The following PIGW variants were observed in gnomAD, a reference collection of about 807,000 sequenced individuals.
PIGW encodes phosphatidylinositol glycan anchor biosynthesis class W, also known as glucosaminyl-phosphatidylinositol-acyltransferase PIGW.
A neutral mutation model predicts 34.0 loss-of-function variants in PIGW; 23 were observed. The ratio of observed to expected loss-of-function variants is 0.68; its 90% CI spans 0.49 to 0.96. The LOEUF is 0.96. PIGW is among the 40% of genes least tolerant of loss of function. PIGW has a pLI of 0.00. For synonymous variants in PIGW, 225 were observed against 225.2 expected (o/e 1.00, Z 0.01); for missense variants, 574 against 586.3 (o/e 0.98, Z 0.22).
rs1417328329 is a variant in PIGW at position 36,535,035 on chromosome 17, G to C, written c.-566G>C. ...TGGCTTGGCCGGGACGCCTGGTCCGGCTTGCTGGCTTCAACTACGGTGAGA... is the reference window on the plus strand; with the variant it reads ...TGGCTTGGCCGGGACGCCTGGTCCGCCTTGCTGGCTTCAACTACGGTGAGA... On this transcript the variant is annotated 5_prime_UTR_variant, in exon 1 of 2. Coordinates refer to ENST00000614443, the MANE Select transcript of PIGW (RefSeq NM_001346754.2). The C allele has an allele frequency of 2.0e-5, 3 of 152,358 alleles. No homozygotes were observed. The highest frequency in any genetic ancestry group is 7.2e-5 in the African/African-American group (3 of 41,476). The allele number at this position is 152,358 out of a possible 1,614,324, so 9.4% of individuals were successfully genotyped here.
rs1346608117 is a variant in PIGW, at chr17:36,538,776, CAG to C, written c.*163_*164del. On this transcript the variant is annotated 3_prime_UTR_variant, in exon 2 of 2. Transcript: ENST00000614443. ...TGCTTAATTATTTTTTTTTTTGAGACAGAGTCTTGCTCTGTTACCCAGGCTGG... is the reference window on the plus strand; with the variant it reads ...TGCTTAATTATTTTTTTTTTTGAGACAGTCTTGCTCTGTTACCCAGGCTGG... 1.0e-5 allele frequency: 7 copies of C among 668,742 alleles called. No homozygotes were observed. Among genetic ancestry groups the C allele is most frequent in the African/African-American group, 7.4e-5 (4 of 53,986 alleles). 41.4% of individuals were successfully genotyped at this position (668,742 alleles called of 1,614,324 possible).
chr17:36,536,077 G>C (rs539311813), intron 1 of PIGW, among the ~76,000 whole-genome samples: 60 of 152,146 alleles, frequency 3.9e-4, no homozygotes, highest in Non-Finnish European at 7.9e-4. Flanking sequence ...TGTTCTTCCA[G>C]TATGCCGTTT....
chr17:36,537,038 A>T, intron 1 of PIGW, 56 bp from the exon 2 acceptor site: 1 of 1,439,878 alleles, frequency 6.9e-7, no homozygotes, highest in Non-Finnish European at 9.4e-7. Context: ...CAGGTATGCT[A>T]ATTACACAAG....
chr17:36,538,250 CCTT>C lies in PIGW; in HGVS notation c.1153_1155del (p.Leu385del). 1.2e-6 allele frequency: 2 copies of C among 1,613,206 alleles called. No homozygotes were observed. Among genetic ancestry groups the C allele is most frequent in the Middle Eastern group, 1.6e-4 (1 of 6,062 alleles). ...TTTGGATAGTTGCTTCTAGCCTGAT[CCTT>C]CTTAGTAGTTTATTACTGGGTGATA... is the stretch of plus-strand genomic sequence containing the variant. On this transcript the variant is annotated inframe_deletion, in exon 2 of 2. Coordinates refer to ENST00000614443, the MANE Select transcript of PIGW (RefSeq NM_001346754.2).
rs2074161776 is a variant in PIGW, at chr17:36,537,706, CATT to C, written c.606_608del (p.Leu203del). 5 of 1,614,114 alleles carry C rather than the reference CATT, an allele frequency of 3.1e-6. No individual in the cohort carries two copies. Among genetic ancestry groups the C allele is most frequent in the Non-Finnish European group, 4.2e-6 (5 of 1,180,022 alleles). Reference sequence around the variant, plus strand: ...TCCAAATTGCATTACTTTACAAACTCATTGTACTCTGTTTGGCCATTAGTCTTC... The same window carrying C: ...TCCAAATTGCATTACTTTACAAACTCGTACTCTGTTTGGCCATTAGTCTTC... On this transcript the variant is annotated inframe_deletion, in exon 2 of 2. Transcript: ENST00000614443.
chr17:36,538,636 T>C lies in PIGW; in HGVS notation c.*20T>C. 1 of 1,522,630 alleles carries C rather than the reference T, an allele frequency of 6.6e-7. No homozygotes were observed. Among genetic ancestry groups the C allele is most frequent in the Non-Finnish European group, 8.9e-7 (1 of 1,118,516 alleles). 94.3% of individuals were successfully genotyped at this position (1,522,630 alleles called of 1,614,324 possible). A position where few individuals can be genotyped will look rare whatever the true frequency, so the allele number is the denominator to read the frequency against. On this transcript the variant is annotated 3_prime_UTR_variant, in exon 2 of 2. Transcript: ENST00000614443. ...TGGTGATCAGCAGGAGTAGGATATA[T>C]AAGTATTTGGGCAATATTTAATGAG...
rs759140627 is a variant in PIGW, at chr17:36,538,360, A to C, written c.1259A>C (p.Asn420Thr). The change falls in exon 2 of 2, where the codon AAT (asparagine) becomes ACT (threonine). Residue 420 changes from asparagine to threonine, a missense_variant. Physicochemically the swap from Asn to Thr is moderately conservative, Grantham distance 65 (BLOSUM62 0). Coordinates refer to ENST00000614443, the MANE Select transcript of PIGW (RefSeq NM_001346754.2). Reference protein sequence around the residue: ...SWKLIQSPVTNKKHSESLVPE... With the variant: ...SWKLIQSPVTTKKHSESLVPE... ...AAACTTATCCAGTCACCTGTTACAA[A>C]TAAAAAGCATTCAGAATCTCTAGTC... The C allele has an allele frequency of 1.2e-6, 2 of 1,614,076 alleles. No individual in the cohort carries two copies.
chr17:36,537,082 T>C lies in PIGW; in HGVS notation c.-8-12T>C. ...TTTTCACAAATCCATTCCTTTGCTC[T>C]TGTTTTCACAGGAAGAAAAATGTCT... On this transcript the variant is annotated splice_polypyrimidine_tract_variant and intron_variant, in intron 1 of 1. Coordinates refer to ENST00000614443, the MANE Select transcript of PIGW (RefSeq NM_001346754.2). 6.4e-7 allele frequency: 1 copy of C among 1,564,406 alleles called. No individual in the cohort carries two copies. The highest frequency in any genetic ancestry group is 8.6e-7 in the Non-Finnish European group (1 of 1,156,254).
At position 36,537,714 on chromosome 17, in the gene PIGW, T is replaced by G. The variant is rs139783834; in HGVS notation, c.613T>G (p.Ser205Ala). The G allele has an allele frequency of 2.5e-6, 4 of 1,614,096 alleles. No individual in the cohort carries two copies. In the African/African-American group the frequency reaches 5.3e-5, roughly 22 times the overall value. Residue 205 changes from serine (S) to alanine (A), a missense_variant, in exon 2 of 2, where the codon TCT becomes GCT. Physicochemically the swap from Ser to Ala is moderately conservative, Grantham distance 99 (BLOSUM62 1). Coordinates refer to ENST00000614443, the MANE Select transcript of PIGW (RefSeq NM_001346754.2). ...GCATTACTTTACAAACTCATTGTAC[T>G]CTGTTTGGCCATTAGTCTTCCTAGG... ...KLHYFTNSLYSVWPLVFLGIG... is the reference protein window; with the variant it reads ...KLHYFTNSLYAVWPLVFLGIG...
In PIGW at chr17:36,538,683, T is replaced by C. The variant is rs1172507301; in HGVS notation, c.*67T>C. 3.0e-6 allele frequency: 4 copies of C among 1,339,784 alleles called. No individual in the cohort carries two copies. The East Asian group carries it at 7.0e-5, about 23-fold the overall frequency. 83.0% of individuals were successfully genotyped at this position (1,339,784 alleles called of 1,614,324 possible). ...TGAGGAATATTAATTGTAAAGAAAT[T>C]GTGCTTTTGGCAACAGTGTTAACCA... On this transcript the variant is annotated 3_prime_UTR_variant, in exon 2 of 2. Transcript: ENST00000614443.
chr17:36,537,829 T>G lies in PIGW; in HGVS notation c.728T>G (p.Ile243Arg), dbSNP rs942294536. 1 of 1,614,182 alleles carries G rather than the reference T, an allele frequency of 6.2e-7. No individual in the cohort carries two copies. Among genetic ancestry groups the G allele is most frequent in the Non-Finnish European group, 8.5e-7 (1 of 1,180,030 alleles). Residue 243 changes from isoleucine (I) to arginine (R), a missense_variant, in exon 2 of 2, where the codon ATA becomes AGA. Coordinates refer to ENST00000614443, the MANE Select transcript of PIGW (RefSeq NM_001346754.2). ...CACTGGAACTTTTTCTTTACCATAATAGTTGTGAAATTGATAACACCACTG... is the reference window on the plus strand; with the variant it reads ...CACTGGAACTTTTTCTTTACCATAAGAGTTGTGAAATTGATAACACCACTG... ...GVHWNFFFTIIVVKLITPLLL... is the reference protein window; with the variant it reads ...GVHWNFFFTIRVVKLITPLLL...
chr17:36,537,613 T>G lies in PIGW; in HGVS notation c.512T>G (p.Val171Gly). 1 of 1,614,006 alleles carries G rather than the reference T, an allele frequency of 6.2e-7. No homozygotes were observed. Among genetic ancestry groups the G allele is most frequent in the Non-Finnish European group, 8.5e-7 (1 of 1,180,000 alleles). ...LYGTGAMDFGVGGFVFGSAMV... is the reference protein window; with the variant it reads ...LYGTGAMDFGGGGFVFGSAMV... ...GGGACAGGAGCAATGGATTTTGGAGTAGGTGGCTTTGTTTTTGGGTCTGCA... is the reference window on the plus strand; with the variant it reads ...GGGACAGGAGCAATGGATTTTGGAGGAGGTGGCTTTGTTTTTGGGTCTGCA... Residue 171 changes from valine (V) to glycine (G), a missense_variant, in exon 2 of 2, where the codon GTA becomes GGA. By Grantham distance (109) the Val-to-Gly change is moderately radical (BLOSUM62 -3). Transcript: ENST00000614443.
In PIGW at chr17:36,535,570, T is replaced by A. The variant is rs1042658337; in HGVS notation, c.-31T>A. ...TGCCCTTCCCACGTAGACCGTCTGC[T>A]GGGGGCGCCGGCACCATTTGGAGTA... On this transcript the variant is annotated 5_prime_UTR_variant, in exon 1 of 2. Transcript: ENST00000614443. 2.6e-5 allele frequency: 4 copies of A among 152,224 alleles called. No homozygotes were observed. Among genetic ancestry groups the A allele is most frequent in the Non-Finnish European group, 5.9e-5 (4 of 68,048 alleles). 9.4% of individuals were successfully genotyped at this position (152,224 alleles called of 1,614,324 possible).
At position 36,537,652 on chromosome 17, in the gene PIGW, A is replaced by G. The variant is rs1253146354; in HGVS notation, c.551A>G (p.Glu184Gly). 4 of 1,614,006 alleles carry G rather than the reference A, an allele frequency of 2.5e-6. No individual in the cohort carries two copies. The highest frequency in any genetic ancestry group is 3.4e-6 in the Non-Finnish European group (4 of 1,180,036). ...TTTGGGTCTGCAATGGTTTGTCTAG[A>G]GGTCAGGAGGAGAAAATATATGGAA... ...FVFGSAMVCL[E>G]VRRRKYMEGS... Residue 184 changes from glutamate to glycine, a missense_variant, in exon 2 of 2, where the codon GAG becomes GGG. Physicochemically the swap from Glu to Gly is moderately conservative, Grantham distance 98 (BLOSUM62 -2). Transcript: ENST00000614443.
rs1203955065 is a variant in PIGW, at chr17:36,538,617, T to C, written c.*1T>C. 2 of 1,576,318 alleles carry C rather than the reference T, an allele frequency of 1.3e-6. No individual in the cohort carries two copies. Among genetic ancestry groups the C allele is most frequent in the Non-Finnish European group, 1.7e-6 (2 of 1,154,158 alleles). On this transcript the variant is annotated 3_prime_UTR_variant, in exon 2 of 2. Transcript: ENST00000614443. The stretch of plus-strand genomic sequence containing the variant: ...AGATAAGACTGTACAATTTTGGTGA[T>C]CAGCAGGAGTAGGATATATAAGTAT...
rs1361919734 is a variant in PIGW at position 36,535,460 on chromosome 17, G to C, written c.-141G>C. The stretch of plus-strand genomic sequence containing the variant: ...GGAATCGGCCGGCCCGGAAGTGCCA[G>C]CTGCCTGCGTCGGCCGGAAGTGCCG... On this transcript the variant is annotated 5_prime_UTR_variant, in exon 1 of 2. Transcript: ENST00000614443. 6.6e-6 allele frequency: 1 copy of C among 152,268 alleles called. No individual in the cohort carries two copies. Among genetic ancestry groups the C allele is most frequent in the Non-Finnish European group, 1.5e-5 (1 of 68,076 alleles). 9.4% of individuals were successfully genotyped at this position (152,268 alleles called of 1,614,324 possible). A position where few individuals can be genotyped will look rare whatever the true frequency, so the allele number is the denominator to read the frequency against.
At position 36,538,392 on chromosome 17, in the gene PIGW, G is replaced by A. The variant is rs1193754766; in HGVS notation, c.1291G>A (p.Ala431Thr). ...KKHSESLVPEAERMEPSLCLI... is the reference protein window; with the variant it reads ...KKHSESLVPETERMEPSLCLI... Reference sequence around the variant, plus strand: ...GCATTCAGAATCTCTAGTCCCTGAAGCCGAAAGAATGGAACCCAGTCTTTG... The same window carrying A: ...GCATTCAGAATCTCTAGTCCCTGAAACCGAAAGAATGGAACCCAGTCTTTG... Residue 431 changes from alanine (A) to threonine (T), a missense_variant, in exon 2 of 2, where the codon GCC (alanine) becomes ACC (threonine). Ala to Thr is a moderately conservative substitution (Grantham distance 58). Coordinates refer to ENST00000614443, the MANE Select transcript of PIGW (RefSeq NM_001346754.2). 1.9e-6 allele frequency: 3 copies of A among 1,613,986 alleles called. No individual in the cohort carries two copies. Among genetic ancestry groups the A allele is most frequent in the Admixed American group, 1.7e-5 (1 of 60,006 alleles).
intron 1 of PIGW, 82 bp from the exon 2 acceptor site, chr17:36,537,012 A>G (rs1051981963): frequency 1.7e-6 from 2 of 1,205,288 alleles, no homozygotes; most frequent in Middle Eastern, 2.3e-4. Context: ...ATCTAGTAAT[A>G]AGAGTAAAAT....
chr17:36,537,878 T>C lies in PIGW; in HGVS notation c.777T>C (p.Asn259=), dbSNP rs774528615. ...TPLLLIIFPL[N]KSWIIALGIT... is the part of the protein sequence containing the mutation. The stretch of plus-strand genomic sequence containing the variant: ...TGCTGTTGATTATTTTTCCCCTAAA[T>C]AAGTCCTGGATTATTGCCCTCGGCA... The change falls in exon 2 of 2, where the codon AAT becomes AAC. Residue 259 remains asparagine, a synonymous_variant. Coordinates refer to ENST00000614443, the MANE Select transcript of PIGW (RefSeq NM_001346754.2). The C allele has an allele frequency of 8.7e-6, 14 of 1,614,016 alleles. No individual in the cohort carries two copies. The highest frequency in any genetic ancestry group is 2.2e-5 in the East Asian group (1 of 44,902).
Sources: allele counts gnomAD v4.1 joint callset (sites outside exome capture counted in the v4.1 genomes callset), GRCh38; gene constraint gnomAD v4.1.1; transcripts MANE v1.5; gene names NCBI Gene and HGNC (gene_info 2026-07-23, HGNC 2026-07-21).